WDR72: variants seen among roughly 807,000 people sequenced by gnomAD.
WDR72 encodes the protein WD repeat domain 72, also known as WD repeat-containing protein 72.
WDR72 carries 120 observed loss-of-function variants against 124.2 expected under a neutral mutation model. The ratio of observed to expected loss-of-function variants is 0.97; its 90% CI spans 0.83 to 1.12. The LOEUF (loss-of-function observed/expected upper bound fraction) is 1.12, where lower values mean the gene tolerates loss of function less well. Ranked by LOEUF, WDR72 falls within the 50% of genes most tolerant of loss-of-function variation. The pLI is 0.00. For synonymous variants in WDR72, 452 were observed against 441.7 expected, an observed-to-expected ratio of 1.02 and a Z score of -0.29; for missense variants, 1,387 against 1,278.8, an observed-to-expected ratio of 1.08 and a Z score of -1.29.
At chr15:53,595,036 T>C in intron 18 of WDR72, among the ~76,000 whole-genome samples, 1 of 152,156 alleles carries the variant, frequency 6.6e-6, no homozygotes, top group East Asian at 1.9e-4. Context: ...GTAATATTTC[T>C]GAAAATAATA....
At chr15:53,639,516 T>G (rs1595812497) in intron 14 of WDR72, among the ~76,000 whole-genome samples, 1 of 145,966 alleles carries the variant, frequency 6.9e-6, no homozygotes, top group African/African-American at 2.5e-5. Context: ...TTATATATAA[T>G]TTTATTTATT....
chr15:53,520,252 T>C (rs72745130), intron 19 of WDR72, among the ~76,000 whole-genome samples: 3,122 of 152,230 alleles, frequency 0.021, 50 homozygotes, highest in Non-Finnish European at 0.028. Flanking sequence ...TTTTTTCATT[T>C]TCTATATGCT....
chr15:53,708,515 C>T (rs760711895), intron 9 of WDR72, among the ~76,000 whole-genome samples: 1 of 152,114 alleles, frequency 6.6e-6, no homozygotes, highest in Non-Finnish European at 1.5e-5. Context: ...AATTAAGAAA[C>T]TCACTCCAAA....
intron 16 of WDR72, among the ~76,000 whole-genome samples, chr15:53,610,565 A>T (rs1207726873): frequency 6.9e-6 from 1 of 144,884 alleles, no homozygotes; most frequent in Non-Finnish European, 1.5e-5. Flanking sequence ...TTATATTAAC[A>T]TATGAGGTAT....
At chr15:53,727,989 C>G (rs1350485671) in intron 2 of WDR72, among the ~76,000 whole-genome samples, 1 of 152,220 alleles carries the variant, frequency 6.6e-6, no homozygotes, top group Non-Finnish European at 1.5e-5. Flanking sequence ...ACCACCATCA[C>G]TTCCAGGTAC....
chr15:53,740,385 GT>G (rs1330281068), intron 1 of WDR72, among the ~76,000 whole-genome samples: 1 of 149,108 alleles, frequency 6.7e-6, no homozygotes, highest in Non-Finnish European at 1.5e-5. Flanking sequence ...TCAGCTCACT[GT>G]AAGCTCCGTC....
rs1057066614 is a variant in WDR72, at chr15:53,523,398, A to G, written c.3149-76T>C. 2.9e-6 allele frequency: 4 copies of G among 1,386,798 alleles called. No individual in the cohort carries two copies. The African/African-American group carries it at 4.3e-5, about 15-fold the overall frequency. 85.9% of individuals were successfully genotyped at this position (1,386,798 alleles called of 1,614,324 possible). A position where few individuals can be genotyped will look rare whatever the true frequency, so the allele number is the denominator to read the frequency against. On this transcript the variant is annotated intron_variant, in intron 18 of 19. Coordinates refer to ENST00000360509, the MANE Select transcript of WDR72 (RefSeq NM_182758.4). ...AAGTAGTAGCAAACACCATTAAAAC[A>G]TTTCCTTTCAGTTCCACAGATATTT...
intron 18 of WDR72, among the ~76,000 whole-genome samples, chr15:53,560,118 A>T (rs1383866580): frequency 6.6e-6 from 1 of 151,934 alleles, no homozygotes; most frequent in Non-Finnish European, 1.5e-5. Flanking sequence ...TTCAGCAGTC[A>T]GCAGCAGTTG....
At chr15:53,687,844 C>T in intron 13 of WDR72, among the ~76,000 whole-genome samples, 1 of 149,280 alleles carries the variant, frequency 6.7e-6, no homozygotes, top group African/African-American at 2.5e-5. Context: ...TCCAGCAGCA[C>T]ATCAAAAAGC....
rs760076081 is a variant in WDR72, at chr15:53,616,012, T to C, written c.2194A>G (p.Thr732Ala). 5.0e-6 allele frequency: 8 copies of C among 1,613,148 alleles called. No individual in the cohort carries two copies. The highest frequency in any genetic ancestry group is 1.7e-5 in the Admixed American group (1 of 59,812). Residue 732 changes from threonine (T) to alanine (A), a missense_variant, in exon 15 of 20, where the codon ACT (threonine) becomes GCT (alanine). Coordinates refer to ENST00000360509, the MANE Select transcript of WDR72 (RefSeq NM_182758.4). ...TCTGCTGAAAGAGGACCACAGGCAG[T>C]TTTACTTTTTCTCAGTGTCAGTGTC... ...KKTLTLRKSK[T>A]ACGPLSAEAL...
intron 9 of WDR72, 147 bp from the exon 10 acceptor site, chr15:53,706,221 G>C: frequency 2.0e-6 from 2 of 1,006,336 alleles, no homozygotes; most frequent in South Asian, 3.2e-5. Context: ...TAAATTAAAT[G>C]AAATAATCTG....
intron 19 of WDR72, among the ~76,000 whole-genome samples, chr15:53,519,784 C>G (rs1260468428): frequency 1.3e-5 from 2 of 151,986 alleles, no homozygotes. Flanking sequence ...CTCTAGAGAC[C>G]AGGTGAACAA....
chr15:53,525,170 G>A (rs1326136907), intron 18 of WDR72, among the ~76,000 whole-genome samples: 1 of 151,984 alleles, frequency 6.6e-6, no homozygotes, highest in Admixed American at 6.6e-5. Flanking sequence ...TGAATCCATA[G>A]ATTTTTTGTG....
At chr15:53,618,400 C>T (rs2013854332) in intron 14 of WDR72, among the ~76,000 whole-genome samples, 1 of 151,984 alleles carries the variant, frequency 6.6e-6, no homozygotes, top group Non-Finnish European at 1.5e-5. Flanking sequence ...TTTAGCTCTG[C>T]AGTACCTATA....
At chr15:53,560,591 T>C (rs988631074) in intron 18 of WDR72, among the ~76,000 whole-genome samples, 3 of 151,902 alleles carry the variant, frequency 2.0e-5, no homozygotes, top group Non-Finnish European at 4.4e-5. Flanking sequence ...AGAATTAAGA[T>C]GCAGTACTTA....
chr15:53,612,984 G>A (rs2013609190), intron 16 of WDR72, among the ~76,000 whole-genome samples: 1 of 151,946 alleles, frequency 6.6e-6, no homozygotes, highest in Admixed American at 6.6e-5. Context: ...ACATTCTGAA[G>A]GTAGAACTGA....
chr15:53,703,840 T>C (rs1878185), intron 11 of WDR72, among the ~76,000 whole-genome samples: 36,292 of 152,084 alleles, frequency 0.24, 5,263 homozygotes, highest in East Asian at 0.49. Flanking sequence ...CCTTCAGGCA[T>C]ATCCTCACTT....
chr15:53,570,262 A>ATTTT (rs34458553), intron 18 of WDR72, among the ~76,000 whole-genome samples: 2 of 146,492 alleles, frequency 1.4e-5, no homozygotes, highest in African/African-American at 5.0e-5. Context: ...CTCATATACC[A>ATTTT]TTTTTTTTTT....
intron 18 of WDR72, among the ~76,000 whole-genome samples, chr15:53,550,073 T>C (rs947709750): frequency 1.3e-5 from 2 of 152,204 alleles, no homozygotes; most frequent in Non-Finnish European, 2.9e-5. Flanking sequence ...CCATTGTTTA[T>C]TGAACACTGA....
Sources: gnomAD v4.1 joint callset for allele counts (sites outside exome capture counted in the v4.1 genomes callset) on GRCh38, gnomAD v4.1.1 for gene constraint, MANE v1.5 for transcripts, NCBI Gene and HGNC (gene_info 2026-07-23, HGNC 2026-07-21) for gene names.